Variants in PTPRM observed in about 807,000 individuals in gnomAD.
PTPRM encodes the protein protein tyrosine phosphatase receptor type M, also known as receptor-type tyrosine-protein phosphatase mu.
A neutral mutation model predicts 186.7 loss-of-function variants in PTPRM; 47 were observed. The observed-to-expected ratio is 0.25, with a 90% CI of 0.20 to 0.32. The LOEUF (loss-of-function observed/expected upper bound fraction) is 0.32, where lower values mean the gene tolerates loss of function less well. Among genes scored for constraint, PTPRM ranks in the 10% least tolerant of loss-of-function variants. PTPRM has a pLI of 1.00. For synonymous variants in PTPRM, 668 were observed against 674.9 expected, an observed-to-expected ratio of 0.99 and a Z score of 0.16; for missense variants, 1,494 against 1,865.0, an observed-to-expected ratio of 0.80 and a Z score of 3.66.
chr18:7,727,556 A>AT (rs1206649799), intron 1 of PTPRM, among the ~76,000 whole-genome samples: 4 of 152,136 alleles, frequency 2.6e-5, no homozygotes, highest in African/African-American at 7.2e-5. Context: ...CAAGTAACTG[A>AT]TTTTTTTGTG....
intron 2 of PTPRM, among the ~76,000 whole-genome samples, chr18:7,825,239 C>T (rs1023698297): frequency 2.6e-5 from 4 of 152,060 alleles, no homozygotes; most frequent in African/African-American, 9.7e-5. Context: ...GGCCAAGGCT[C>T]CCTGGAGTAC....
chr18:7,577,975 T>C (rs900910455), intron 1 of PTPRM, among the ~76,000 whole-genome samples: 7 of 152,034 alleles, frequency 4.6e-5, no homozygotes, highest in African/African-American at 1.7e-4. Flanking sequence ...ACAGTGGGGG[T>C]CTGAGGCTGT....
chr18:7,677,872 T>C (rs897225317), intron 1 of PTPRM, among the ~76,000 whole-genome samples: 3 of 152,136 alleles, frequency 2.0e-5, no homozygotes, highest in Admixed American at 6.5e-5. Flanking sequence ...TGGTTTGCTG[T>C]GTGGGACTTA....
chr18:7,832,719 T>C (rs902622706), intron 2 of PTPRM, among the ~76,000 whole-genome samples: 8 of 152,300 alleles, frequency 5.3e-5, no homozygotes, highest in African/African-American at 1.9e-4. Context: ...CGAGCTCTTC[T>C]GATGTTTTAT....
intron 1 of PTPRM, among the ~76,000 whole-genome samples, chr18:7,635,531 T>G (rs1445656710): frequency 6.6e-6 from 1 of 152,244 alleles, no homozygotes; most frequent in Non-Finnish European, 1.5e-5. Flanking sequence ...TATTGCCTTG[T>G]ATTATTTTTA....
chr18:7,924,588 A>G (rs2051061370), intron 4 of PTPRM, among the ~76,000 whole-genome samples: 1 of 152,214 alleles, frequency 6.6e-6, no homozygotes, highest in African/African-American at 2.4e-5. Context: ...ATTGAAATCT[A>G]AAATGAACAG....
At chr18:7,895,217 G>A (rs7241079) in intron 3 of PTPRM, among the ~76,000 whole-genome samples, 10,550 of 152,094 alleles carry the variant, frequency 0.069, 485 homozygotes, top group East Asian at 0.15. Flanking sequence ...GGTAATTAGG[G>A]GTTGGAGATG....
chr18:8,258,336 T>A (rs1004389426), intron 19 of PTPRM, among the ~76,000 whole-genome samples: 2 of 152,160 alleles, frequency 1.3e-5, no homozygotes, highest in Non-Finnish European at 2.9e-5. Flanking sequence ...TCAGCCACCC[T>A]GCCCCACGCA....
chr18:7,732,103 T>A (rs566820285), intron 1 of PTPRM, among the ~76,000 whole-genome samples: 21 of 152,304 alleles, frequency 1.4e-4, no homozygotes, highest in Non-Finnish European at 2.6e-4. Flanking sequence ...ATAAGAATGG[T>A]GTAAGCAAGT....
intron 14 of PTPRM, among the ~76,000 whole-genome samples, chr18:8,195,152 CTTTTT>C (rs1164451439): frequency 8.5e-5 from 10 of 117,064 alleles, no homozygotes; most frequent in Admixed American, 7.0e-4. Context: ...CTTAGAAGTT[CTTTTT>C]TTTTTTTTTT....
At chr18:7,749,773 C>T (rs1355189998) in intron 1 of PTPRM, among the ~76,000 whole-genome samples, 1 of 152,134 alleles carries the variant, frequency 6.6e-6, no homozygotes, top group Non-Finnish European at 1.5e-5. Context: ...ATTCTCAATT[C>T]CATGTTAGGG....
chr18:8,383,246 C>T (rs540301058), intron 29 of PTPRM, among the ~76,000 whole-genome samples: 3 of 121,118 alleles, frequency 2.5e-5, no homozygotes, highest in South Asian at 2.8e-4. Context: ...TGTGGTGAGC[C>T]GAGATCACAC....
intron 7 of PTPRM, among the ~76,000 whole-genome samples, chr18:7,965,523 T>C (rs1282504959): frequency 6.6e-6 from 1 of 152,070 alleles, no homozygotes; most frequent in Non-Finnish European, 1.5e-5. Flanking sequence ...CTTGGTGGTG[T>C]GGATGTAAGG....
chr18:7,631,282 C>T (rs186375370), intron 1 of PTPRM, among the ~76,000 whole-genome samples: 13 of 152,302 alleles, frequency 8.5e-5, no homozygotes, highest in Admixed American at 7.2e-4. Context: ...TATGCAGTCT[C>T]ATCAAAACCT....
At chr18:7,983,758 T>C (rs2082684993) in intron 7 of PTPRM, among the ~76,000 whole-genome samples, 1 of 152,194 alleles carries the variant, frequency 6.6e-6, no homozygotes, top group African/African-American at 2.4e-5. Flanking sequence ...GAAAATAATC[T>C]GTGAAAGGTC....
chr18:7,779,826 A>G (rs763594314), intron 2 of PTPRM, among the ~76,000 whole-genome samples: 32 of 152,194 alleles, frequency 2.1e-4, no homozygotes, highest in Admixed American at 3.9e-4. Flanking sequence ...AACACCTGCT[A>G]TGTGCTATGC....
chr18:8,176,528 T>C (rs1351110965), intron 14 of PTPRM, among the ~76,000 whole-genome samples: 2 of 152,234 alleles, frequency 1.3e-5, no homozygotes, highest in Non-Finnish European at 2.9e-5. Flanking sequence ...ACTCCTTTTA[T>C]AGAACATTGC....
intron 2 of PTPRM, among the ~76,000 whole-genome samples, chr18:7,789,120 A>C (rs965133904): frequency 6.6e-6 from 1 of 152,206 alleles, no homozygotes; most frequent in Middle Eastern, 3.4e-3. Context: ...CCAGAAGTTC[A>C]GTACCTGTCT....
At chr18:8,345,305 G>C (rs373853239) in intron 23 of PTPRM, among the ~76,000 whole-genome samples, 9 of 152,198 alleles carry the variant, frequency 5.9e-5, no homozygotes, top group African/African-American at 2.2e-4. Flanking sequence ...CAATAACAAA[G>C]TTCAACAAAA....
Sources: allele counts gnomAD v4.1 joint callset (sites outside exome capture counted in the v4.1 genomes callset), GRCh38; gene constraint gnomAD v4.1.1; transcripts MANE v1.5; gene names NCBI Gene and HGNC (gene_info 2026-07-23, HGNC 2026-07-21).